DNAJC8: variants seen among roughly 807,000 people sequenced by gnomAD.
DNAJC8 encodes the protein dnaJ homolog subfamily C member 8.
Under a neutral mutation model 43.2 loss-of-function variants are expected in DNAJC8, and 24 were observed. The observed-to-expected ratio is 0.56, with a 90% CI of 0.40 to 0.78. The LOEUF (loss-of-function observed/expected upper bound fraction) is 0.78, where lower values mean the gene tolerates loss of function less well. Ranked by LOEUF, DNAJC8 falls within the 30% of genes least tolerant of loss-of-function variation. DNAJC8 has a pLI of 0.00. For synonymous variants in DNAJC8, 83 were observed against 98.0 expected (o/e 0.85, Z 0.90); for missense variants, 207 against 299.4 (o/e 0.69, Z 2.28).
intron 2 of DNAJC8, among the ~76,000 whole-genome samples, chr1:28,218,421 ATTT>A (rs755920353): frequency 7.0e-6 from 1 of 142,846 alleles, no homozygotes; most frequent in East Asian, 2.0e-4. Context: ...TAAACAAATA[ATTT>A]TTTTTTTTTT....
rs201843991 is a variant in DNAJC8 at position 28,228,447 on chromosome 1, G to A, written c.180+475C>T. Among the ~76,000 whole-genome samples the A allele has an allele frequency of 6.6e-5, 10 of 151,166 alleles. No individual in the cohort carries two copies. In the East Asian group the frequency reaches 1.6e-3, roughly 24 times the overall value. On this transcript the variant is annotated intron_variant, in intron 2 of 8. Transcript: ENST00000263697. ...TTATATATTTGGGTTGCTAAAAGAT[G>A]ATGAAAGATATGTGACCATCTCACT... is the stretch of plus-strand genomic sequence containing the variant.
intron 2 of DNAJC8, among the ~76,000 whole-genome samples, chr1:28,223,954 C>A (rs1435202655): frequency 6.6e-6 from 1 of 152,040 alleles, no homozygotes; most frequent in Non-Finnish European, 1.5e-5. Flanking sequence ...AAGGAACCAG[C>A]GCTCCTTGGT....
intron 7 of DNAJC8, among the ~76,000 whole-genome samples, chr1:28,204,205 G>A (rs967642670): frequency 3.9e-5 from 6 of 152,114 alleles, no homozygotes; most frequent in Admixed American, 6.5e-5. Context: ...AACCCTATCC[G>A]AAAACAAAGA....
At chr1:28,230,545 T>C (rs1022217981) in intron 1 of DNAJC8, among the ~76,000 whole-genome samples, 1 of 152,212 alleles carries the variant, frequency 6.6e-6, no homozygotes, top group Admixed American at 6.5e-5. Context: ...TGGCAAGACC[T>C]TGTCTCTATT....
chr1:28,229,769 G>A (rs148770116), intron 1 of DNAJC8, among the ~76,000 whole-genome samples: 3,250 of 149,090 alleles, frequency 0.022, 125 homozygotes, highest in African/African-American at 0.076. Flanking sequence ...GCGAGACTCC[G>A]TCTCAAAAAA....
rs558699388 is a variant in DNAJC8 at position 28,220,313 on chromosome 1, G to A, written c.181-5317C>T. 1.7e-4 allele frequency among the ~76,000 whole-genome samples: 26 copies of A among 152,272 alleles called. 1 individual carries two copies. Among genetic ancestry groups the A allele is most frequent in the Middle Eastern group, 6.8e-3 (2 of 294 alleles). Reference sequence around the variant, plus strand: ...AGACAATGGACTTTTACCTGCGGCCGGTCCTCTTTGAAGCCAGCTTTATAC... The same window carrying A: ...AGACAATGGACTTTTACCTGCGGCCAGTCCTCTTTGAAGCCAGCTTTATAC... On this transcript the variant is annotated intron_variant, in intron 2 of 8. Coordinates refer to ENST00000263697, the MANE Select transcript of DNAJC8 (RefSeq NM_014280.3).
At position 28,208,725 on chromosome 1, in the gene DNAJC8, T is replaced by G. The variant is rs531253489; in HGVS notation, c.400-312A>C. Reference sequence around the variant, plus strand: ...AAAGTCTTTGAAACAGACTACTTATTTACCTTTCTTGGCTTGTGGTTATGT... The same window carrying G: ...AAAGTCTTTGAAACAGACTACTTATGTACCTTTCTTGGCTTGTGGTTATGT... On this transcript the variant is annotated intron_variant, in intron 5 of 8. Coordinates refer to ENST00000263697, the MANE Select transcript of DNAJC8 (RefSeq NM_014280.3). 2.2e-5 allele frequency: 4 copies of G among 184,236 alleles called. No homozygotes were observed. In the South Asian group the frequency reaches 6.7e-4, roughly 31 times the overall value. The allele number at this position is 184,236 out of a possible 1,614,324, so 11.4% of individuals were successfully genotyped here.
chr1:28,216,642 T>TAA (rs927890223), intron 2 of DNAJC8, among the ~76,000 whole-genome samples: 1 of 148,342 alleles, frequency 6.7e-6, no homozygotes, highest in African/African-American at 2.5e-5. Context: ...GTTCTTGAGT[T>TAA]AAAAAAAAAA....
rs1646875435 is a variant in DNAJC8 at position 28,218,383 on chromosome 1, C to T, written c.181-3387G>A. ...GTGCTGGGATTACAGGCGTGAGCCA[C>T]CGCACCCAGCCTTAAGCAACACTTC... On this transcript the variant is annotated intron_variant, in intron 2 of 8. Coordinates refer to ENST00000263697, the MANE Select transcript of DNAJC8 (RefSeq NM_014280.3). 2.0e-5 allele frequency among the ~76,000 whole-genome samples: 3 copies of T among 151,880 alleles called. No homozygotes were observed. In the South Asian group the frequency reaches 6.2e-4, roughly 31 times the overall value.
At chr1:28,214,675 C>A (rs1646838947) in intron 3 of DNAJC8, among the ~76,000 whole-genome samples, 1 of 152,132 alleles carries the variant, frequency 6.6e-6, no homozygotes, top group Non-Finnish European at 1.5e-5. Flanking sequence ...CTCTATTATT[C>A]TACTTTATAC....
chr1:28,208,208 A>G (rs1646784175), intron 6 of DNAJC8, 134 bp downstream of exon 6: 1 of 633,544 alleles, frequency 1.6e-6, no homozygotes, highest in Non-Finnish European at 2.4e-6. Flanking sequence ...CTCAGTCTCA[A>G]AAATAATAAA....
intron 1 of DNAJC8, among the ~76,000 whole-genome samples, chr1:28,232,333 T>C (rs1355804795): frequency 1.3e-5 from 2 of 152,190 alleles, no homozygotes; most frequent in Non-Finnish European, 2.9e-5. Flanking sequence ...ATCCACTACA[T>C]ACTATGCGCT....
chr1:28,222,130 G>C (rs1646902329), intron 2 of DNAJC8, among the ~76,000 whole-genome samples: 1 of 152,162 alleles, frequency 6.6e-6, no homozygotes, highest in African/African-American at 2.4e-5. Flanking sequence ...AGTTTTACAA[G>C]ATGAAAAGAG....
chr1:28,203,795 T>A lies in DNAJC8; in HGVS notation c.591A>T (p.Glu197Asp). 1 of 1,614,238 alleles carries A rather than the reference T, an allele frequency of 6.2e-7. No individual in the cohort carries two copies. Among genetic ancestry groups the A allele is most frequent in the Non-Finnish European group, 8.5e-7 (1 of 1,180,054 alleles). ...ERKRQREEEI[E>D]AQEKAKRERE... ...TTTCCCGTTTGGCTTTTTCTTGAGC[T>A]TCAATCTCTTCTTCCCTTTGTCGTT... Residue 197 changes from glutamate (E) to aspartate (D), a missense_variant, in exon 8 of 9, where the codon GAA (glutamate) becomes GAT (aspartate). Physicochemically the swap from Glu to Asp is conservative, Grantham distance 45. This residue lies in a region of DNAJC8 where 159 missense variants were observed against 267.5 expected (regional missense o/e 0.59). Transcript: ENST00000263697.
chr1:28,210,319 T>A, intron 4 of DNAJC8: 1 of 561,492 alleles, frequency 1.8e-6, no homozygotes. Flanking sequence ...ATTCTTTATG[T>A]TCAAAGAAAA....
chr1:28,232,809 G>T, intron 1 of DNAJC8, 112 bp downstream of exon 1: 1 of 1,158,722 alleles, frequency 8.6e-7, no homozygotes, highest in Non-Finnish European at 1.2e-6. Flanking sequence ...CCGAAGACTG[G>T]ACTGAAGGAA....
chr1:28,212,019 A>G (rs1211000877), intron 3 of DNAJC8, among the ~76,000 whole-genome samples: 1 of 151,068 alleles, frequency 6.6e-6, no homozygotes, highest in Non-Finnish European at 1.5e-5. Context: ...TGGCAGGCAC[A>G]GTGGCACACA....
chr1:28,230,866 T>C (rs1252311146), intron 1 of DNAJC8, among the ~76,000 whole-genome samples: 2 of 152,198 alleles, frequency 1.3e-5, no homozygotes, highest in African/African-American at 4.8e-5. Flanking sequence ...CTGTTACAAT[T>C]GCAAGAAATA....
intron 2 of DNAJC8, among the ~76,000 whole-genome samples, chr1:28,215,863 A>T (rs1432833722): frequency 6.4e-5 from 9 of 139,730 alleles, no homozygotes; most frequent in South Asian, 2.3e-4. Flanking sequence ...TAAACAAATA[A>T]TTTTTTTTTT....
Sources: gnomAD v4.1 joint callset for allele counts (sites outside exome capture counted in the v4.1 genomes callset) on GRCh38, gnomAD v4.1.1 for gene constraint, gnomAD v4.1.1 regional missense constraint, MANE v1.5 for transcripts, NCBI Gene and HGNC (gene_info 2026-07-23, HGNC 2026-07-21) for gene names.